The following ECE1 variants were observed in gnomAD, a reference collection of about 807,000 sequenced individuals.
ECE1 encodes the protein endothelin converting enzyme 1, also known as endothelin-converting enzyme 1.
A neutral mutation model predicts 98.6 loss-of-function variants in ECE1; 35 were observed. The ratio of observed to expected loss-of-function variants is 0.35; its 90% CI spans 0.27 to 0.47. The LOEUF is 0.47. Among genes scored for constraint, ECE1 ranks in the 20% least tolerant of loss-of-function variants. The probability of loss-of-function intolerance (pLI) is 1.00; values close to 1 mark genes in which losing one functional copy is unlikely to be tolerated. For missense variants in ECE1, 814 were observed against 1,025.3 expected (o/e 0.79, Z 2.81); for synonymous variants, 394 against 407.1 (o/e 0.97, Z 0.39).
intron 1 of ECE1, among the ~76,000 whole-genome samples, chr1:21,303,773 C>T (rs779125113): frequency 1.3e-5 from 2 of 151,986 alleles, no homozygotes; most frequent in African/African-American, 4.8e-5. Flanking sequence ...CTCAGCCTTC[C>T]GAGTAGCTGG....
chr1:21,247,220 C>G lies in ECE1; in HGVS notation c.1163+1G>C. The G allele has an allele frequency of 6.2e-7, 1 of 1,614,194 alleles. No homozygotes were observed. The highest frequency in any genetic ancestry group is 8.5e-7 in the Non-Finnish European group (1 of 1,180,028). On this transcript the variant is annotated splice_donor_variant, in intron 9 of 18. Transcript: ENST00000374893. LOFTEE classifies it high-confidence loss of function. Reference sequence around the variant, plus strand: ...CCCCAGGCCACTGGGGGTCCTCTTACCATCTGTCGGTGGTGTTGATGAGAG... The same window carrying G: ...CCCCAGGCCACTGGGGGTCCTCTTAGCATCTGTCGGTGGTGTTGATGAGAG...
At chr1:21,265,001 C>T (rs1252904711) in intron 4 of ECE1, among the ~76,000 whole-genome samples, 1 of 152,162 alleles carries the variant, frequency 6.6e-6, no homozygotes, top group Non-Finnish European at 1.5e-5. Context: ...GGCCCCATGC[C>T]CTACTTGATG....
At chr1:21,261,428 T>C (rs1490242873) in intron 4 of ECE1, among the ~76,000 whole-genome samples, 2 of 151,906 alleles carry the variant, frequency 1.3e-5, no homozygotes, top group Non-Finnish European at 2.9e-5. Context: ...GTGTAAGCTG[T>C]GGGACACAAG....
chr1:21,326,493 G>A (rs1067232), intron 1 of ECE1, among the ~76,000 whole-genome samples: 6,426 of 152,124 alleles, frequency 0.042, 459 homozygotes, highest in African/African-American at 0.14. Context: ...GCCTAAGCAG[G>A]AAGCAGGTCC....
intron 17 of ECE1, chr1:21,222,152 G>C (rs1364487838): frequency 2.4e-6 from 1 of 420,590 alleles, no homozygotes; most frequent in African/African-American, 2.0e-5. Flanking sequence ...GGTATAAACA[G>C]AGCCACATCG....
intron 1 of ECE1, among the ~76,000 whole-genome samples, chr1:21,321,717 G>C (rs1429310023): frequency 6.6e-6 from 1 of 152,184 alleles, no homozygotes; most frequent in Non-Finnish European, 1.5e-5. Flanking sequence ...CCGGGTTCAA[G>C]CGATTCTCCT....
At chr1:21,276,277 C>T (rs564176803) in intron 3 of ECE1, among the ~76,000 whole-genome samples, 21 of 152,214 alleles carry the variant, frequency 1.4e-4, no homozygotes, top group Admixed American at 9.8e-4. Context: ...CCACCCGCCT[C>T]GGCCTCCCAA....
At chr1:21,261,872 C>A (rs1223492142) in intron 4 of ECE1, among the ~76,000 whole-genome samples, 2 of 152,062 alleles carry the variant, frequency 1.3e-5, no homozygotes, top group African/African-American at 4.8e-5. Context: ...CTGGGTTGCG[C>A]GGAGCAGGAC....
In ECE1 at chr1:21,258,198, CA is replaced by C. The variant is rs544331892; in HGVS notation, c.762+494del. Among the ~76,000 whole-genome samples the C allele has an allele frequency of 1.4e-3, 217 of 152,308 alleles. No individual in the cohort carries two copies. The highest frequency in any genetic ancestry group is 6.8e-3 in the Middle Eastern group (2 of 294). On this transcript the variant is annotated intron_variant, in intron 6 of 18. Transcript: ENST00000374893. The surrounding 1 kb of genome is among the most constrained non-coding windows in gnomAD (Gnocchi z 4.2). ...GTTGAGGCACTTGCCCAAGGTCACA[CA>C]GTGACTGAATGGTAGAGATGGGCTG...
At chr1:21,239,297 C>T (rs28368007) in intron 10 of ECE1, among the ~76,000 whole-genome samples, 3,949 of 152,322 alleles carry the variant, frequency 0.026, 87 homozygotes, top group Non-Finnish European at 0.034. Flanking sequence ...AGTCACTCCC[C>T]GGCCAGGCAT....
At chr1:21,289,993 CGGG>C in intron 2 of ECE1, 74 bp downstream of exon 2, 1 of 897,836 alleles carries the variant, frequency 1.1e-6, no homozygotes, top group Non-Finnish European at 1.3e-6. Context: ...TAGGTAGGGG[CGGG>C]GGGCGCGGCA....
chr1:21,314,622 C>T (rs926188458), intron 1 of ECE1, among the ~76,000 whole-genome samples: 1 of 152,218 alleles, frequency 6.6e-6, no homozygotes, highest in African/African-American at 2.4e-5. Flanking sequence ...GACAGCCCCT[C>T]TCCATCTTCC....
At chr1:21,272,621 C>A in intron 4 of ECE1, 78 bp downstream of exon 4, 1 of 1,560,364 alleles carries the variant, frequency 6.4e-7, no homozygotes, top group African/African-American at 1.4e-5. Flanking sequence ...TTTAAGCAGG[C>A]GCAGCTGGGA....
intron 10 of ECE1, 98 bp downstream of exon 10, chr1:21,244,891 C>A (rs898063387): frequency 2.6e-6 from 3 of 1,168,568 alleles, no homozygotes; most frequent in Middle Eastern, 3.9e-4. Flanking sequence ...CTTCTACCCA[C>A]CCCCAGCTGG....
intron 4 of ECE1, among the ~76,000 whole-genome samples, chr1:21,264,075 A>G (rs1230291867): frequency 6.6e-6 from 1 of 152,122 alleles, no homozygotes; most frequent in Non-Finnish European, 1.5e-5. Context: ...GAATGGAGTC[A>G]AGTTTCTTTG....
rs1177108080 is a variant in ECE1 at position 21,290,085 on chromosome 1, G to T, written c.123C>A (p.Tyr41Ter). The change falls in exon 2 of 19, where the codon TAC (tyrosine) becomes TAA (stop). Residue 41 changes from tyrosine (Y) to a stop codon, truncating the protein, a stop_gained. Transcript: ENST00000374893. LOFTEE classifies it high-confidence loss of function. The surrounding 1 kb of genome is among the most constrained non-coding windows in gnomAD (Gnocchi z 7.3). ...GGGCGCCTACCTGCAGGCCGTTGGGGTATGCGTCGCCCTCGGAGAGCGAGT... is the reference window on the plus strand; with the variant it reads ...GGGCGCCTACCTGCAGGCCGTTGGGTTATGCGTCGCCCTCGGAGAGCGAGT... The part of the protein sequence containing the change: ...LVDSLSEGDA[Y>*]PNGLQVNFHS... The T allele has an allele frequency of 2.6e-6, 4 of 1,541,600 alleles. No individual in the cohort carries two copies. Among genetic ancestry groups the T allele is most frequent in the Non-Finnish European group, 3.5e-6 (4 of 1,144,508 alleles).
chr1:21,326,154 C>A (rs534127607), intron 1 of ECE1, among the ~76,000 whole-genome samples: 1 of 151,928 alleles, frequency 6.6e-6, no homozygotes, highest in African/African-American at 2.4e-5. Context: ...TCTCAGCCAA[C>A]AATAGCTGCT....
intron 4 of ECE1, among the ~76,000 whole-genome samples, chr1:21,271,192 G>A (rs893222977): frequency 6.6e-6 from 1 of 152,198 alleles, no homozygotes; most frequent in Non-Finnish European, 1.5e-5. Flanking sequence ...AGCTGCTGCT[G>A]CTGCTTCAGG....
chr1:21,255,966 A>G lies in ECE1; in HGVS notation c.1001T>C (p.Val334Ala). The change falls in exon 8 of 19, where the codon GTG becomes GCG. Residue 334 changes from valine (V) to alanine (A), a missense_variant. Val to Ala is a moderately conservative substitution (Grantham distance 64). Around this residue, in one of 3 missense-constraint regions of ECE1, gnomAD observed 105 missense variants for 179.1 expected, o/e 0.59. Coordinates refer to ENST00000374893, the MANE Select transcript of ECE1 (RefSeq NM_001397.3). The stretch of plus-strand genomic sequence containing the variant: ...AGTTACCTGCAGCTCGGCTGCCGTC[A>G]CTTTGTGGTAGATGAGCTCCTCATC... ...RRDEELIYHKVTAAELQTLAP... is the reference protein window; with the variant it reads ...RRDEELIYHKATAAELQTLAP... The G allele has an allele frequency of 1.2e-6, 2 of 1,614,104 alleles. No individual in the cohort carries two copies. Among genetic ancestry groups the G allele is most frequent in the Non-Finnish European group, 1.7e-6 (2 of 1,179,994 alleles).
Sources: gnomAD v4.1 joint callset for allele counts (sites outside exome capture counted in the v4.1 genomes callset) on GRCh38, gnomAD v4.1.1 for gene constraint, gnomAD v4.1.1 regional missense constraint, Gnocchi (gnomAD v3.1) non-coding constraint, MANE v1.5 for transcripts, NCBI Gene and HGNC (gene_info 2026-07-23, HGNC 2026-07-21) for gene names.